Variants in GATAD2B observed in about 807,000 individuals in gnomAD.
The protein encoded by GATAD2B is GATA zinc finger domain containing 2B.
In GATAD2B, 8 loss-of-function variants were observed where a neutral mutation model predicts 64.3. The observed-to-expected ratio is 0.12, with a 90% CI of 0.07 to 0.22. The LOEUF (loss-of-function observed/expected upper bound fraction) is 0.22, where lower values mean the gene tolerates loss of function less well. GATAD2B is among the 10% of genes least tolerant of loss of function. GATAD2B has a pLI of 1.00. For missense variants in GATAD2B, 453 were observed against 752.0 expected (o/e 0.60, Z 4.65); for synonymous variants, 281 against 271.3 (o/e 1.04, Z -0.35).
intron 1 of GATAD2B, among the ~76,000 whole-genome samples, chr1:153,848,112 C>T (rs561662634): frequency 6.6e-6 from 1 of 152,076 alleles, no homozygotes; most frequent in South Asian, 2.1e-4. Context: ...CTCACCATAC[C>T]AACTTGGTAT....
intron 1 of GATAD2B, among the ~76,000 whole-genome samples, chr1:153,854,000 G>A (rs1407846152): frequency 6.6e-6 from 1 of 152,144 alleles, no homozygotes; most frequent in African/African-American, 2.4e-5. Flanking sequence ...GGAATTTTCT[G>A]TGGTCCCTTC....
chr1:153,827,142 G>A (rs1324035980), intron 2 of GATAD2B, among the ~76,000 whole-genome samples: 1 of 151,008 alleles, frequency 6.6e-6, no homozygotes, highest in Non-Finnish European at 1.5e-5. Context: ...CTACTCAAGG[G>A]GGGTGGGGTG....
intron 1 of GATAD2B, among the ~76,000 whole-genome samples, chr1:153,907,006 G>A (rs919957030): frequency 6.6e-6 from 1 of 152,194 alleles, no homozygotes; most frequent in Non-Finnish European, 1.5e-5. Context: ...AATAACAAGT[G>A]TTGGCAGGGA....
chr1:153,900,508 C>G (rs1444167734), intron 1 of GATAD2B, among the ~76,000 whole-genome samples: 1 of 151,334 alleles, frequency 6.6e-6, no homozygotes, highest in Non-Finnish European at 1.5e-5. Flanking sequence ...GACTGGCAAG[C>G]TTATTTTCTT....
intron 1 of GATAD2B, among the ~76,000 whole-genome samples, chr1:153,864,195 G>C (rs974851070): frequency 6.6e-6 from 1 of 152,126 alleles, no homozygotes; most frequent in Non-Finnish European, 1.5e-5. Flanking sequence ...ACAAGTCTGA[G>C]GACAGTTGGG....
intron 1 of GATAD2B, among the ~76,000 whole-genome samples, chr1:153,870,752 C>CCCCAT (rs1676638802): frequency 6.6e-6 from 1 of 152,104 alleles, no homozygotes. Context: ...TGAGTCTCAC[C>CCCCAT]CCCATGATAC....
chr1:153,876,447 T>G (rs1676837311), intron 1 of GATAD2B, among the ~76,000 whole-genome samples: 1 of 152,166 alleles, frequency 6.6e-6, no homozygotes, highest in Admixed American at 6.6e-5. Flanking sequence ...GTGTCTTTTC[T>G]GTATCACTGA....
intron 1 of GATAD2B, among the ~76,000 whole-genome samples, chr1:153,885,219 C>T (rs1487306320): frequency 2.0e-5 from 3 of 152,096 alleles, no homozygotes; most frequent in African/African-American, 4.8e-5. Context: ...AAGCCCAGTT[C>T]TCCAGGGTAA....
chr1:153,828,898 T>G (rs1009154968), intron 1 of GATAD2B, among the ~76,000 whole-genome samples: 6 of 152,180 alleles, frequency 3.9e-5, no homozygotes, highest in Admixed American at 6.6e-5. Context: ...CTTTGATTTT[T>G]TTTACACTAA....
chr1:153,916,329 C>G lies in GATAD2B; in HGVS notation c.-2+6404G>C, dbSNP rs1010914940. 5.3e-5 allele frequency among the ~76,000 whole-genome samples: 8 copies of G among 150,384 alleles called. No homozygotes were observed. The East Asian group carries it at 1.4e-3, about 26-fold the overall frequency. On this transcript the variant is annotated intron_variant, in intron 1 of 10. Transcript: ENST00000368655. Reference sequence around the variant, plus strand: ...GTAAGACTATAAACAGATGTGTAAGCGATCAAGGCAATATCCCAAAATAAG... The same window carrying G: ...GTAAGACTATAAACAGATGTGTAAGGGATCAAGGCAATATCCCAAAATAAG...
At chr1:153,813,176 T>G (rs1674351073) in intron 8 of GATAD2B, 74 bp downstream of exon 8, 1 of 1,159,472 alleles carries the variant, frequency 8.6e-7, no homozygotes, top group Admixed American at 1.7e-5. Context: ...GAACCACTCC[T>G]GCAAACTAGA....
At chr1:153,832,639 C>G (rs1405852327) in intron 1 of GATAD2B, among the ~76,000 whole-genome samples, 1 of 152,138 alleles carries the variant, frequency 6.6e-6, no homozygotes, top group African/African-American at 2.4e-5. Flanking sequence ...ATTTTTTTCC[C>G]TTTTTAAAAT....
chr1:153,887,504 A>G (rs774769120), intron 1 of GATAD2B, among the ~76,000 whole-genome samples: 4 of 152,226 alleles, frequency 2.6e-5, no homozygotes, highest in Non-Finnish European at 4.4e-5. Context: ...ATAATGCAGA[A>G]TATGGACTAG....
chr1:153,811,744 G>C lies in GATAD2B; in HGVS notation c.1635C>G (p.Leu545=). 6.2e-7 allele frequency: 1 copy of C among 1,607,190 alleles called. No homozygotes were observed. Among genetic ancestry groups the C allele is most frequent in the Non-Finnish European group, 8.5e-7 (1 of 1,174,738 alleles). Residue 545 remains leucine, a synonymous_variant, in exon 10 of 11, where the codon CTC becomes CTG. Transcript: ENST00000368655. ...AATCCTTCTTACCTGGCATACCAAG[G>C]AGGCCACCTGGCACAGACAACTGGG... ...QAPQLSVPGG[L]LGMPGVNIAY... is the part of the protein sequence containing the mutation.
At chr1:153,904,975 G>C (rs1020684931) in intron 1 of GATAD2B, among the ~76,000 whole-genome samples, 3 of 152,012 alleles carry the variant, frequency 2.0e-5, no homozygotes, top group Non-Finnish European at 4.4e-5. Context: ...CCGAAGTGCT[G>C]GGATTACATG....
At chr1:153,828,463 C>CAT (rs1553189758) in intron 1 of GATAD2B, 115 bp from the exon 2 acceptor site, 3 of 219,432 alleles carry the variant, frequency 1.4e-5, no homozygotes, top group Non-Finnish European at 3.3e-5. Context: ...CATACACACA[C>CAT]ACACACACAC....
chr1:153,881,937 C>T (rs971811310), intron 1 of GATAD2B, among the ~76,000 whole-genome samples: 17 of 151,970 alleles, frequency 1.1e-4, no homozygotes, highest in Non-Finnish European at 2.9e-5. Context: ...TGCACAAACC[C>T]GGTCTCCAAG....
At chr1:153,826,072 C>T (rs1043260820) in intron 2 of GATAD2B, among the ~76,000 whole-genome samples, 7 of 151,676 alleles carry the variant, frequency 4.6e-5, no homozygotes, top group South Asian at 4.1e-4. Context: ...GGAGCAATCG[C>T]GGCTCACTGC....
intron 1 of GATAD2B, chr1:153,852,566 G>A (rs564523673): frequency 1.3e-6 from 1 of 772,114 alleles, no homozygotes; most frequent in Non-Finnish European, 2.4e-6. Context: ...ATGAGAGCTA[G>A]AGCTTATCCT....
Sources: allele counts gnomAD v4.1 joint callset (sites outside exome capture counted in the v4.1 genomes callset), GRCh38; gene constraint gnomAD v4.1.1; transcripts MANE v1.5; gene names NCBI Gene and HGNC (gene_info 2026-07-23, HGNC 2026-07-21).